Variants in ASXL2 observed in about 807,000 individuals in gnomAD.
The protein encoded by ASXL2 is ASXL transcriptional regulator 2, also known as putative Polycomb group protein ASXL2.
In ASXL2, 23 loss-of-function variants were observed where a neutral mutation model predicts 122.0. That is an observed-to-expected ratio of 0.19 (90% CI 0.14 to 0.27). The LOEUF (loss-of-function observed/expected upper bound fraction) is 0.27. Ranked by LOEUF, ASXL2 falls within the 10% of genes least tolerant of loss-of-function variation. The probability of loss-of-function intolerance (pLI) is 1.00; values close to 1 mark genes in which losing one functional copy is unlikely to be tolerated. For synonymous variants in ASXL2, 650 were observed against 637.0 expected, an observed-to-expected ratio of 1.02 and a Z score of -0.31; for missense variants, 1,518 against 1,713.8, an observed-to-expected ratio of 0.89 and a Z score of 2.02.
At chr2:25,878,079 G>T in intron 1 of ASXL2, 87 bp downstream of exon 1, 2 of 1,544,634 alleles carry the variant, frequency 1.3e-6, no homozygotes, top group Non-Finnish European at 1.8e-6. Flanking sequence ...CCGGGTCCCT[G>T]GGCCAGTGAC....
At chr2:25,766,666 C>T (rs971790240) in intron 8 of ASXL2, among the ~76,000 whole-genome samples, 7 of 152,120 alleles carry the variant, frequency 4.6e-5, no homozygotes, top group Non-Finnish European at 7.4e-5. Context: ...AGAAATATGC[C>T]TTGTTAGTAG....
At chr2:25,858,201 TTACAGA>T (rs1283601237) in intron 1 of ASXL2, among the ~76,000 whole-genome samples, 1 of 152,184 alleles carries the variant, frequency 6.6e-6, no homozygotes, top group East Asian at 1.9e-4. Context: ...CTCCATTAGC[TTACAGA>T]TACAAACAAC....
chr2:25,818,168 T>C (rs2089260504), intron 3 of ASXL2, among the ~76,000 whole-genome samples: 1 of 152,240 alleles, frequency 6.6e-6, no homozygotes, highest in Non-Finnish European at 1.5e-5. Flanking sequence ...TTATCTTTCA[T>C]TTAGAGTATA....
rs747454675 is a variant in ASXL2, at chr2:25,756,466, A to G, written c.940-352T>C. 4.6e-3 allele frequency among the ~76,000 whole-genome samples: 373 copies of G among 80,930 alleles called. 3 individuals carry two copies. Among genetic ancestry groups the G allele is most frequent in the African/African-American group, 0.015 (294 of 20,220 alleles). 53.1% of individuals were successfully genotyped at this position (80,930 alleles called of 152,430 possible). ...TTCAGATAATGACAAAAAAAAAAAG[A>G]AAAAAAAAAGAAAAAAAAAAAAGAA... On this transcript the variant is annotated intron_variant, in intron 9 of 12. Transcript: ENST00000435504.
chr2:25,867,304 G>A (rs2089917232), intron 1 of ASXL2, among the ~76,000 whole-genome samples: 1 of 152,110 alleles, frequency 6.6e-6, no homozygotes, highest in Non-Finnish European at 1.5e-5. Context: ...GGAAACTTCA[G>A]GAGGCTCGCA....
At chr2:25,787,472 CT>C (rs1457698992) in intron 5 of ASXL2, among the ~76,000 whole-genome samples, 2 of 152,144 alleles carry the variant, frequency 1.3e-5, no homozygotes, top group African/African-American at 4.8e-5. Context: ...TAATACAGTA[CT>C]TTTTCTATGA....
chr2:25,834,506 A>G (rs955729683), intron 3 of ASXL2, among the ~76,000 whole-genome samples: 5 of 152,210 alleles, frequency 3.3e-5, no homozygotes, highest in Admixed American at 3.3e-4. Context: ...CTTGCTTACA[A>G]TAAACAGGTT....
At chr2:25,857,085 GGGGGC>G (rs2089788684) in intron 1 of ASXL2, 2 of 85,906 alleles carry the variant, frequency 2.3e-5, no homozygotes, top group African/African-American at 9.6e-5. Context: ...GATTTTTGGG[GGGGGC>G]GGGGGGGGGG....
At chr2:25,877,951 C>T (rs2090023549) in intron 1 of ASXL2, among the ~76,000 whole-genome samples, 1 of 152,218 alleles carries the variant, frequency 6.6e-6, no homozygotes, top group Non-Finnish European at 1.5e-5. Flanking sequence ...TCGCCGCAGA[C>T]GCCGAGGGAC....
rs1032947884 is a variant in ASXL2 at position 25,844,605 on chromosome 2, C to CA, written c.140+875dup. On this transcript the variant is annotated intron_variant, in intron 2 of 12. Coordinates refer to ENST00000435504, the MANE Select transcript of ASXL2 (RefSeq NM_018263.6). The stretch of plus-strand genomic sequence containing the variant: ...AAAAAAACAAACAAAAAAAACAAAA[C>CA]AAAAAAAAACACACACACACATTGA... Among the ~76,000 whole-genome samples, 318 of 148,324 alleles carry CA rather than the reference C, an allele frequency of 2.1e-3. 3 individuals are homozygous for CA. The highest frequency in any genetic ancestry group is 7.4e-3 in the African/African-American group (300 of 40,312).
Position 25,743,693 on chromosome 2 carries a change from C to T in ASXL2, c.2644G>A (p.Val882Ile), listed in dbSNP as rs757864432. 1.9e-6 allele frequency: 3 copies of T among 1,614,024 alleles called. No individual in the cohort carries two copies. The highest frequency in any genetic ancestry group is 1.3e-5 in the African/African-American group (1 of 75,048). ...AAAGATGTTAAAGGGGAGGGAGTTA[C>T]AGCCACTGGCACACTAGCATCTGTC... is the stretch of plus-strand genomic sequence containing the variant. ...SKTDASVPVA[V>I]TPSPLTSLLT... The change falls in exon 13 of 13, where the codon GTA becomes ATA. Residue 882 changes from valine (V) to isoleucine (I), a missense_variant. By Grantham distance (29) the Val-to-Ile change is conservative (BLOSUM62 3). Transcript: ENST00000435504.
intron 3 of ASXL2, among the ~76,000 whole-genome samples, chr2:25,813,572 G>A (rs185464159): frequency 9.2e-5 from 14 of 152,292 alleles, no homozygotes; most frequent in African/African-American, 3.4e-4. Flanking sequence ...CTGTAATTAT[G>A]GGTAAGAGAC....
intron 8 of ASXL2, among the ~76,000 whole-genome samples, chr2:25,763,225 C>T (rs989750345): frequency 6.8e-6 from 1 of 146,008 alleles, no homozygotes; most frequent in Non-Finnish European, 1.5e-5. Context: ...GTGGCTCATG[C>T]CTGTAATCCC....
chr2:25,746,293 T>C (rs895220191), intron 12 of ASXL2, among the ~76,000 whole-genome samples: 1 of 152,162 alleles, frequency 6.6e-6, no homozygotes, highest in Non-Finnish European at 1.5e-5. Context: ...GTTAGAGCCA[T>C]GGGACTTCAT....
Position 25,736,170 on chromosome 2 carries a change from C to T in ASXL2, c.*5859G>A, listed in dbSNP as rs1200661144. On this transcript the variant is annotated 3_prime_UTR_variant, in exon 13 of 13. Transcript: ENST00000435504. Reference sequence around the variant, plus strand: ...AGCTGAGGTCAAGTAGTCTCAGAAGCAATGAACACGGGTTTCTGACTCAGT... The same window carrying T: ...AGCTGAGGTCAAGTAGTCTCAGAAGTAATGAACACGGGTTTCTGACTCAGT... 6.6e-6 allele frequency: 1 copy of T among 152,168 alleles called. No homozygotes were observed. Among genetic ancestry groups the T allele is most frequent in the Non-Finnish European group, 1.5e-5 (1 of 68,016 alleles). 9.4% of individuals were successfully genotyped at this position (152,168 alleles called of 1,614,324 possible).
intron 2 of ASXL2, among the ~76,000 whole-genome samples, chr2:25,841,586 C>G (rs1200557967): frequency 6.6e-6 from 1 of 152,040 alleles, no homozygotes; most frequent in African/African-American, 2.4e-5. Context: ...GTAGCTCATG[C>G]CTGTAATCCC....
chr2:25,771,332 G>GC, intron 6 of ASXL2, 108 bp downstream of exon 6: 1 of 912,464 alleles, frequency 1.1e-6, no homozygotes, highest in East Asian at 2.8e-5. Flanking sequence ...AGTTCCACTG[G>GC]CAAGGGCCCA....
intron 3 of ASXL2, among the ~76,000 whole-genome samples, chr2:25,814,873 C>T (rs555650593): frequency 6.6e-6 from 1 of 152,308 alleles, no homozygotes; most frequent in East Asian, 1.9e-4. Context: ...AATCTGAATA[C>T]AGACCTGACT....
chr2:25,814,275 A>G (rs2089208037), intron 3 of ASXL2, among the ~76,000 whole-genome samples: 1 of 152,212 alleles, frequency 6.6e-6, no homozygotes, highest in African/African-American at 2.4e-5. Flanking sequence ...ATAGCAGAGA[A>G]GCAAAACAGG....
Sources: allele counts gnomAD v4.1 joint callset (sites outside exome capture counted in the v4.1 genomes callset), GRCh38; gene constraint gnomAD v4.1.1; transcripts MANE v1.5; gene names NCBI Gene and HGNC (gene_info 2026-07-23, HGNC 2026-07-21).